The following YPEL2 variants were observed in gnomAD, a reference collection of about 807,000 sequenced individuals.
The protein encoded by YPEL2 is protein yippee-like 2.
YPEL2 carries 2 observed loss-of-function variants against 19.1 expected under a neutral mutation model. That is an observed-to-expected ratio of 0.10 (90% CI 0.04 to 0.33). The LOEUF is 0.33. Among genes scored for constraint, YPEL2 ranks in the 10% least tolerant of loss-of-function variants. The pLI is 1.00. For missense variants in YPEL2, 66 were observed against 140.7 expected, an observed-to-expected ratio of 0.47 and a Z score of 2.68; for synonymous variants, 52 against 50.0, an observed-to-expected ratio of 1.04 and a Z score of -0.17.
chr17:59,379,036 G>A (rs1421918898), intron 2 of YPEL2, among the ~76,000 whole-genome samples: 6 of 152,232 alleles, frequency 3.9e-5, no homozygotes, highest in African/African-American at 1.4e-4. Flanking sequence ...GAGTCAGGAA[G>A]TTCTTCCTTT....
intron 1 of YPEL2, among the ~76,000 whole-genome samples, chr17:59,344,991 C>A (rs1308050231): frequency 6.6e-6 from 1 of 152,158 alleles, no homozygotes; most frequent in Non-Finnish European, 1.5e-5. Flanking sequence ...TGTTCCACCT[C>A]AGCTCATCAG....
chr17:59,372,903 G>A (rs2047903592), intron 2 of YPEL2, among the ~76,000 whole-genome samples: 1 of 152,168 alleles, frequency 6.6e-6, no homozygotes, highest in Non-Finnish European at 1.5e-5. Context: ...TTTTTGACAT[G>A]GGCTCTGTTG....
intron 1 of YPEL2, among the ~76,000 whole-genome samples, chr17:59,332,377 G>C (rs2047675483): frequency 6.6e-6 from 1 of 152,204 alleles, no homozygotes; most frequent in East Asian, 1.9e-4. Flanking sequence ...CCCGACCCGG[G>C]TCGAGGTAAC....
chr17:59,374,025 C>T (rs1210282197), intron 2 of YPEL2, among the ~76,000 whole-genome samples: 1 of 152,322 alleles, frequency 6.6e-6, no homozygotes, highest in African/African-American at 2.4e-5. Flanking sequence ...CATCTATTCT[C>T]TTGAGAATAT....
intron 4 of YPEL2, 141 bp from the exon 5 acceptor site, chr17:59,396,960 G>A: frequency 1.9e-6 from 1 of 524,054 alleles, no homozygotes. Context: ...GAACCTGGGA[G>A]GCGGAGATTG....
intron 4 of YPEL2, among the ~76,000 whole-genome samples, chr17:59,391,189 A>G (rs1469868008): frequency 6.6e-6 from 1 of 152,164 alleles, no homozygotes; most frequent in Non-Finnish European, 1.5e-5. Context: ...CATATGGCTC[A>G]TGAACTGCCT....
chr17:59,388,215 C>T, intron 2 of YPEL2, 112 bp from the exon 3 acceptor site: 2 of 1,019,356 alleles, frequency 2.0e-6, no homozygotes, highest in Non-Finnish European at 3.1e-6. Context: ...CTCAGTACTC[C>T]CTTTTGCTGT....
chr17:59,397,250 C>G lies in YPEL2; in HGVS notation c.*60C>G. On this transcript the variant is annotated 3_prime_UTR_variant, in exon 5 of 5. Coordinates refer to ENST00000312655, the MANE Select transcript of YPEL2 (RefSeq NM_001005404.4). ...AACGCCATTCAACCGAACATTCTTC[C>G]CAAGCGTGAGAGAGTGACTGACACT... 1 of 1,376,760 alleles carries G rather than the reference C, an allele frequency of 7.3e-7. No homozygotes were observed. Among genetic ancestry groups the G allele is most frequent in the Non-Finnish European group, 9.9e-7 (1 of 1,006,182 alleles). 85.3% of individuals were successfully genotyped at this position (1,376,760 alleles called of 1,614,324 possible).
intron 1 of YPEL2, among the ~76,000 whole-genome samples, chr17:59,339,811 G>A (rs2047718659): frequency 1.3e-5 from 2 of 152,052 alleles, no homozygotes; most frequent in South Asian, 4.2e-4. Context: ...TGTCTCCCTG[G>A]GTTGTTGTGA....
chr17:59,395,535 C>G (rs1382527845), intron 4 of YPEL2, among the ~76,000 whole-genome samples: 2 of 152,114 alleles, frequency 1.3e-5, no homozygotes, highest in Non-Finnish European at 2.9e-5. Flanking sequence ...GCTGGGAGAG[C>G]CCACAGTGCT....
chr17:59,350,575 G>T (rs2047782814), intron 1 of YPEL2, among the ~76,000 whole-genome samples: 1 of 152,130 alleles, frequency 6.6e-6, no homozygotes, highest in South Asian at 2.1e-4. Context: ...TGGTGAGGAT[G>T]GAATGTGCAT....
At chr17:59,351,516 C>T (rs567204634) in intron 1 of YPEL2, among the ~76,000 whole-genome samples, 1 of 152,256 alleles carries the variant, frequency 6.6e-6, no homozygotes, top group South Asian at 2.1e-4. Context: ...ATTCACCTTA[C>T]CTGCTACCCA....
intron 4 of YPEL2, 64 bp downstream of exon 4, chr17:59,389,532 AAC>A: frequency 1.5e-6 from 2 of 1,304,322 alleles, no homozygotes; most frequent in East Asian, 4.7e-5. Flanking sequence ...CTTATGCCAG[AAC>A]ACTTTCTTCT....
rs191622289 is a variant in YPEL2, at chr17:59,349,537, G to A, written c.-195-3678G>A. 4.6e-3 allele frequency among the ~76,000 whole-genome samples: 707 copies of A among 152,048 alleles called. 3 individuals are homozygous for A. Among genetic ancestry groups the A allele is most frequent in the Non-Finnish European group, 5.3e-3 (357 of 67,964 alleles). ...AATTTTTGTATTTTTAGTGGAAACA[G>A]GGTTTCACCATGTTGGCCAGGCTGG... On this transcript the variant is annotated intron_variant, in intron 1 of 4. Transcript: ENST00000312655.
chr17:59,373,754 A>G (rs1484768216), intron 2 of YPEL2, among the ~76,000 whole-genome samples: 1 of 152,200 alleles, frequency 6.6e-6, no homozygotes, highest in Non-Finnish European at 1.5e-5. Context: ...GTGGGACTCA[A>G]AGCTGTTTTG....
intron 2 of YPEL2, among the ~76,000 whole-genome samples, chr17:59,383,815 T>C (rs1415157661): frequency 6.6e-6 from 1 of 151,632 alleles, no homozygotes; most frequent in Non-Finnish European, 1.5e-5. Context: ...TAGCATAATG[T>C]ATTTCAGATT....
chr17:59,389,586 T>C lies in YPEL2; in HGVS notation c.270+118T>C, dbSNP rs1046965580. The C allele has an allele frequency of 2.2e-5, 16 of 733,144 alleles. No individual in the cohort carries two copies. The Admixed American group carries it at 3.2e-4, about 15-fold the overall frequency. The allele number at this position is 733,144 out of a possible 1,614,324, so 45.4% of individuals were successfully genotyped here. The stretch of plus-strand genomic sequence containing the variant: ...CTTGTGGGATTGTCTTAGACCAGAA[T>C]AGTCACCTGTCTACCACACTCATTC... On this transcript the variant is annotated intron_variant, in intron 4 of 4. Transcript: ENST00000312655.
chr17:59,391,955 G>A (rs1347674820), intron 4 of YPEL2, among the ~76,000 whole-genome samples: 1 of 151,948 alleles, frequency 6.6e-6, no homozygotes, highest in Admixed American at 6.6e-5. Flanking sequence ...GCCAAGATGG[G>A]TTAGCCACAG....
rs771573304 is a variant in YPEL2, at chr17:59,397,196, C to T, written c.*6C>T. The T allele has an allele frequency of 2.5e-6, 4 of 1,598,108 alleles. No individual in the cohort carries two copies. The highest frequency in any genetic ancestry group is 2.3e-5 in the East Asian group (1 of 43,944). On this transcript the variant is annotated 3_prime_UTR_variant, in exon 5 of 5. Transcript: ENST00000312655. Reference sequence around the variant, plus strand: ...AGGACAATGGCTGGGACTGATTGGACAGCATCTACCCAACCCAGTGTCCAC... The same window carrying T: ...AGGACAATGGCTGGGACTGATTGGATAGCATCTACCCAACCCAGTGTCCAC...
Sources: gnomAD v4.1 joint callset for allele counts (sites outside exome capture counted in the v4.1 genomes callset) on GRCh38, gnomAD v4.1.1 for gene constraint, MANE v1.5 for transcripts, NCBI Gene and HGNC (gene_info 2026-07-23, HGNC 2026-07-21) for gene names.